Variants in CEP290 observed in about 807,000 individuals in gnomAD.
CEP290 encodes centrosomal protein 290.
A neutral mutation model predicts 344.9 loss-of-function variants in CEP290; 317 were observed. The ratio of observed to expected loss-of-function variants is 0.92; its 90% CI spans 0.84 to 1.01. The LOEUF is 1.01. CEP290 is among the 50% of genes least tolerant of loss of function. The pLI, the probability that CEP290 is intolerant of heterozygous loss-of-function variation, is 0.00. For synonymous variants in CEP290, 932 were observed against 895.8 expected, an observed-to-expected ratio of 1.04 and a Z score of -0.72; for missense variants, 2,754 against 2,761.4, an observed-to-expected ratio of 1.00 and a Z score of 0.06.
rs773007151 is a variant in CEP290 at position 88,109,126 on chromosome 12, T to C, written c.2423A>G (p.Tyr808Cys). Residue 808 changes from tyrosine (Y) to cysteine (C), a missense_variant, in exon 23 of 54, where the codon TAC (tyrosine) becomes TGC (cysteine). Coordinates refer to ENST00000552810, the MANE Select transcript of CEP290 (RefSeq NM_025114.4). The stretch of plus-strand genomic sequence containing the variant: ...ACGAATTACAGCAAATTTTCTGTTG[T>C]AATCTTCAAGAGAATCTTCTAAATT... ...LKNLEDSLED[Y>C]NRKFAVIRHQ... 42 of 1,472,294 alleles carry C rather than the reference T, an allele frequency of 2.9e-5. No individual in the cohort carries two copies. The highest frequency in any genetic ancestry group is 3.6e-4 in the Middle Eastern group (2 of 5,544). The allele number at this position is 1,472,294 out of a possible 1,614,324, so 91.2% of individuals were successfully genotyped here.
intron 43 of CEP290, among the ~76,000 whole-genome samples, chr12:88,069,960 G>GA (rs1270441312): frequency 6.6e-6 from 1 of 152,056 alleles, no homozygotes; most frequent in Non-Finnish European, 1.5e-5. Context: ...AGAAATGAGC[G>GA]AAACAGAAGA....
In CEP290 at chr12:88,096,935, T is replaced by C. The variant is rs746666486; in HGVS notation, c.3056A>G (p.Glu1019Gly). The C allele has an allele frequency of 1.8e-5, 29 of 1,583,736 alleles. No individual in the cohort carries two copies. Among genetic ancestry groups the C allele is most frequent in the Admixed American group, 3.5e-5 (2 of 56,422 alleles). Residue 1019 changes from glutamate to glycine, a missense_variant, in exon 27 of 54, where the codon GAA (glutamate) becomes GGA (glycine). Glu to Gly is a moderately conservative substitution (Grantham distance 98, BLOSUM62 -2). Coordinates refer to ENST00000552810, the MANE Select transcript of CEP290 (RefSeq NM_025114.4). ...SINKELEITK[E>G]KLHTIEQAWE... is the part of the protein sequence containing the mutation. ...GGCTTGTTCAATAGTGTGAAGTTTTTCCTTGGTAATCTCCAGTTCTTTATT... is the reference window on the plus strand; with the variant it reads ...GGCTTGTTCAATAGTGTGAAGTTTTCCCTTGGTAATCTCCAGTTCTTTATT...
At chr12:88,129,090 C>A (rs2039906345) in intron 10 of CEP290, 55 bp from the exon 11 acceptor site, 5 of 960,202 alleles carry the variant, frequency 5.2e-6, no homozygotes, top group Non-Finnish European at 7.4e-6. Context: ...CATATATTTA[C>A]ACCTGTGCAT....
Position 88,068,544 on chromosome 12 carries a change from T to C in CEP290, c.6113A>G (p.Lys2038Arg). Residue 2038 changes from lysine (K) to arginine (R), a missense_variant, in exon 44 of 54, where the codon AAG (lysine) becomes AGG (arginine). By Grantham distance (26) the Lys-to-Arg change is conservative. Coordinates refer to ENST00000552810, the MANE Select transcript of CEP290 (RefSeq NM_025114.4). ...KLHALEKQFSKDTYSKPSISG... is the reference protein window; with the variant it reads ...KLHALEKQFSRDTYSKPSISG... ...TACTGAAGGCTTAGAATATGTATCCTTTGAAAACTGTTTTTCTAAAGCATG... is the reference window on the plus strand; with the variant it reads ...TACTGAAGGCTTAGAATATGTATCCCTTGAAAACTGTTTTTCTAAAGCATG... The C allele has an allele frequency of 1.3e-6, 2 of 1,569,290 alleles. No individual in the cohort carries two copies. The highest frequency in any genetic ancestry group is 1.9e-5 in the Admixed American group (1 of 53,644).
intron 42 of CEP290, 71 bp from the exon 43 acceptor site, chr12:88,071,520 C>T: frequency 7.8e-7 from 1 of 1,277,634 alleles, no homozygotes; most frequent in Non-Finnish European, 1.1e-6. Context: ...TACTCATTAC[C>T]AAACCAAATT....
chr12:88,049,186 A>G lies in CEP290; in HGVS notation c.7438T>C (p.Ter2480GlnextTer16). 6.4e-7 allele frequency: 1 copy of G among 1,570,220 alleles called. No homozygotes were observed. Among genetic ancestry groups the G allele is most frequent in the African/African-American group, 1.4e-5 (1 of 73,248 alleles). The change falls in exon 54 of 54, where the codon TAA becomes CAA. Residue 2480 changes from the stop codon to glutamine (Q), a stop_lost. Coordinates refer to ENST00000552810, the MANE Select transcript of CEP290 (RefSeq NM_025114.4). ...GAAACAAAGTTTATAGGTGACCTTTAGTAAATGGGGAAATTAACAGGACTT... is the reference window on the plus strand; with the variant it reads ...GAAACAAAGTTTATAGGTGACCTTTGGTAAATGGGGAAATTAACAGGACTT... Reference protein sequence around the residue: ...EESPVNFPIY* With the variant: ...EESPVNFPIYQ
At position 88,083,264 on chromosome 12, in the gene CEP290, T is replaced by C. The variant is rs780207184; in HGVS notation, c.4813-34A>G. 7.9e-6 allele frequency: 9 copies of C among 1,144,734 alleles called. No individual in the cohort carries two copies. In the South Asian group the frequency reaches 1.8e-4, roughly 23 times the overall value. The allele number at this position is 1,144,734 out of a possible 1,614,324, so 70.9% of individuals were successfully genotyped here. A position where few individuals can be genotyped will look rare whatever the true frequency, so the allele number is the denominator to read the frequency against. On this transcript the variant is annotated intron_variant, in intron 36 of 53. Transcript: ENST00000552810. ...TATGAATATATTAGCAATAGGCATGTATAATTCAATGCCATACTTATTCCA... is the reference window on the plus strand; with the variant it reads ...TATGAATATATTAGCAATAGGCATGCATAATTCAATGCCATACTTATTCCA...
chr12:88,088,168 A>G (rs1191912483), intron 31 of CEP290, among the ~76,000 whole-genome samples: 1 of 152,228 alleles, frequency 6.6e-6, no homozygotes, highest in African/African-American at 2.4e-5. Flanking sequence ...ATTATGTTGG[A>G]ATGGACATCA....
At chr12:88,141,177 ATATC>A in intron 2 of CEP290, 25 bp downstream of exon 2, 1 of 1,430,656 alleles carries the variant, frequency 7.0e-7, no homozygotes, top group Non-Finnish European at 9.6e-7. Flanking sequence ...GTTAATGTAT[ATATC>A]TATTATTATT....
At chr12:88,141,179 A>C in intron 2 of CEP290, 27 bp downstream of exon 2, 8 of 1,451,352 alleles carry the variant, frequency 5.5e-6, no homozygotes, top group Non-Finnish European at 7.6e-6. Flanking sequence ...TAATGTATAT[A>C]TCTATTATTA....
intron 44 of CEP290, among the ~76,000 whole-genome samples, chr12:88,067,374 C>G (rs539579129): frequency 2.0e-5 from 3 of 152,290 alleles, no homozygotes; most frequent in African/African-American, 7.2e-5. Flanking sequence ...AAGCTACTTA[C>G]TATAAGAAAA....
At chr12:88,057,275 C>T (rs137979372) in intron 49 of CEP290, among the ~76,000 whole-genome samples, 1 of 152,106 alleles carries the variant, frequency 6.6e-6, no homozygotes, top group Non-Finnish European at 1.5e-5. Flanking sequence ...AGGGAAGCCA[C>T]CTGGTCCTTT....
At chr12:88,113,204 A>G (rs889720804) in intron 20 of CEP290, among the ~76,000 whole-genome samples, 1 of 152,158 alleles carries the variant, frequency 6.6e-6, no homozygotes, top group African/African-American at 2.4e-5. Context: ...TTCTTGGGCT[A>G]TTCACTGTGT....
intron 26 of CEP290, among the ~76,000 whole-genome samples, chr12:88,097,794 C>T (rs1317762012): frequency 6.6e-6 from 1 of 152,120 alleles, no homozygotes; most frequent in Non-Finnish European, 1.5e-5. Context: ...GCAGCCTTCA[C>T]AAACTAGTGC....
chr12:88,117,257 G>A, intron 17 of CEP290, 112 bp from the exon 18 acceptor site: 1 of 578,288 alleles, frequency 1.7e-6, no homozygotes, highest in Non-Finnish European at 3.0e-6. Context: ...TAGAATAATT[G>A]TTTCCAAAAT....
At chr12:88,127,021 C>T (rs937002998) in intron 11 of CEP290, among the ~76,000 whole-genome samples, 4 of 152,136 alleles carry the variant, frequency 2.6e-5, no homozygotes, top group Non-Finnish European at 4.4e-5. Context: ...AAAATAATAA[C>T]GTTTTTAGAT....
chr12:88,091,451 C>T (rs2037036906), intron 29 of CEP290, among the ~76,000 whole-genome samples: 1 of 150,804 alleles, frequency 6.6e-6, no homozygotes, highest in African/African-American at 2.4e-5. Flanking sequence ...CCTTCAAATT[C>T]CCTCATGAAT....
intron 26 of CEP290, 36 bp from the exon 27 acceptor site, chr12:88,097,035 T>C (rs1381225987): frequency 2.8e-6 from 3 of 1,061,004 alleles, no homozygotes; most frequent in Non-Finnish European, 4.2e-6. Context: ...GAAACTACAT[T>C]GTAATTCAGA....
rs1238362600 is a variant in CEP290, at chr12:88,106,771, C to T, written c.2721G>A (p.Glu907=). 7 of 1,610,300 alleles carry T rather than the reference C, an allele frequency of 4.3e-6. No individual in the cohort carries two copies. The African/African-American group carries it at 8.0e-5, about 18-fold the overall frequency. The change falls in exon 25 of 54, where the codon GAG becomes GAA. Residue 907 remains glutamate, a synonymous_variant. Coordinates refer to ENST00000552810, the MANE Select transcript of CEP290 (RefSeq NM_025114.4). ...TCTCATTTTCTTTTCTAAGTTGTCG[C>T]TCCAATTCTACTAAGGTTGTATATT... ...IRQYTTLVEL[E]RQLRKENEKQ... is the part of the protein sequence containing the mutation.
Sources: gnomAD v4.1 joint callset for allele counts (sites outside exome capture counted in the v4.1 genomes callset) on GRCh38, gnomAD v4.1.1 for gene constraint, MANE v1.5 for transcripts, NCBI Gene and HGNC (gene_info 2026-07-23, HGNC 2026-07-21) for gene names.